SH3RF2: variants seen among roughly 807,000 people sequenced by gnomAD.
SH3RF2 encodes the protein SH3 domain containing ring finger 2.
In SH3RF2, 43 loss-of-function variants were observed where a neutral mutation model predicts 59.0. That is an observed-to-expected ratio of 0.73 (90% CI 0.57 to 0.94). The LOEUF (loss-of-function observed/expected upper bound fraction) is 0.94. Among genes scored for constraint, SH3RF2 ranks in the 40% least tolerant of loss-of-function variants. SH3RF2 has a pLI of 0.00. For synonymous variants in SH3RF2, 391 were observed against 391.5 expected, an observed-to-expected ratio of 1.00 and a Z score of 0.01; for missense variants, 930 against 940.1, an observed-to-expected ratio of 0.99 and a Z score of 0.14.
intron 1 of SH3RF2, chr5:145,937,008 T>G (rs1222247824): frequency 6.6e-6 from 1 of 152,188 alleles, no homozygotes; most frequent in Non-Finnish European, 1.5e-5. Context: ...TACCTGTATA[T>G]GCTGCCCCAG....
chr5:146,054,061 T>C (rs1762587093), intron 7 of SH3RF2, among the ~76,000 whole-genome samples: 1 of 152,118 alleles, frequency 6.6e-6, no homozygotes, highest in Admixed American at 6.5e-5. Context: ...CTTTTCAGTC[T>C]CTCCATCTGG....
intron 9 of SH3RF2, 83 bp from the exon 10 acceptor site, chr5:146,062,343 G>A: frequency 6.6e-7 from 1 of 1,510,372 alleles, no homozygotes; most frequent in Admixed American, 1.9e-5. Context: ...ACACATAAAT[G>A]AGACATTTCA....
intron 2 of SH3RF2, among the ~76,000 whole-genome samples, chr5:145,999,020 A>G (rs1411435546): frequency 9.6e-6 from 1 of 103,646 alleles, no homozygotes; most frequent in African/African-American, 3.1e-5. Flanking sequence ...AAAATACTTT[A>G]TTACTAAAAA....
At chr5:145,997,845 A>C in intron 2 of SH3RF2, 1 of 1,299,202 alleles carries the variant, frequency 7.7e-7, no homozygotes, top group Non-Finnish European at 1.1e-6. Flanking sequence ...TGCAAAAACA[A>C]CTCACATCTT....
At chr5:145,974,867 G>A (rs755009333) in intron 2 of SH3RF2, among the ~76,000 whole-genome samples, 9 of 152,176 alleles carry the variant, frequency 5.9e-5, no homozygotes, top group Non-Finnish European at 1.3e-4. Context: ...TAAAAGAGAT[G>A]ACAATCAATA....
chr5:146,003,037 C>A (rs1407096833), intron 3 of SH3RF2, among the ~76,000 whole-genome samples: 1 of 152,132 alleles, frequency 6.6e-6, no homozygotes, highest in Admixed American at 6.6e-5. Context: ...TTAAATCAAT[C>A]CTAATTCCTG....
At chr5:146,056,348 C>A (rs1762671820) in intron 8 of SH3RF2, 135 bp downstream of exon 8, 1 of 1,363,040 alleles carries the variant, frequency 7.3e-7, no homozygotes. Context: ...TTATACAATT[C>A]CCAAATGATG....
In SH3RF2 at chr5:146,039,785, A is replaced by G. The variant is rs1762062776; in HGVS notation, c.1060-7987A>G. Among the ~76,000 whole-genome samples, 3 of 152,354 alleles carry G rather than the reference A, an allele frequency of 2.0e-5. 1 individual carries two copies. In the South Asian group the frequency reaches 6.2e-4, roughly 32 times the overall value. On this transcript the variant is annotated intron_variant, in intron 5 of 9. Coordinates refer to ENST00000359120, the MANE Select transcript of SH3RF2 (RefSeq NM_152550.4). ...TGGAGAAATTCTTGCCCATGTGCAC[A>G]GGGGACATGTACAAAAATGTTCATA...
At chr5:145,971,455 T>C (rs1467483470) in intron 2 of SH3RF2, among the ~76,000 whole-genome samples, 1 of 152,204 alleles carries the variant, frequency 6.6e-6, no homozygotes, top group Non-Finnish European at 1.5e-5. Flanking sequence ...CTGTACGGTG[T>C]CAGGATTATT....
intron 5 of SH3RF2, among the ~76,000 whole-genome samples, chr5:146,024,848 A>G (rs1300493896): frequency 1.3e-5 from 2 of 152,240 alleles, no homozygotes; most frequent in South Asian, 2.1e-4. Flanking sequence ...CATGTTAAAA[A>G]TTAAGTACTT....
intron 5 of SH3RF2, among the ~76,000 whole-genome samples, chr5:146,026,625 CAA>C (rs1452943514): frequency 1.3e-5 from 2 of 152,146 alleles, no homozygotes; most frequent in African/African-American, 2.4e-5. Context: ...CTGTCTGGTG[CAA>C]AGTTTTGTCA....
At position 146,047,806 on chromosome 5, in the gene SH3RF2, GACATTCC is replaced by G; in HGVS notation, c.1098_1104del (p.His366GlnfsTer19). 6.2e-7 allele frequency: 1 copy of G among 1,614,082 alleles called. No individual in the cohort carries two copies. The highest frequency in any genetic ancestry group is 8.5e-7 in the Non-Finnish European group (1 of 1,180,036). ...TATCACCCCGCACCTGTCTCTCCAGGACATTCCACAGCCGTGGTCAGTCTGCCTGGCT... is the reference window on the plus strand; with the variant it reads ...TATCACCCCGCACCTGTCTCTCCAGGACAGCCGTGGTCAGTCTGCCTGGCT... On this transcript the variant is annotated frameshift_variant, in exon 6 of 10. Coordinates refer to ENST00000359120, the MANE Select transcript of SH3RF2 (RefSeq NM_152550.4). LOFTEE classifies it high-confidence loss of function.
In SH3RF2 at chr5:146,033,451, C is replaced by CTTT. The variant is rs558717056; in HGVS notation, c.1060-14287_1060-14285dup. 5.7e-4 allele frequency among the ~76,000 whole-genome samples: 41 copies of CTTT among 71,866 alleles called. 7 individuals carry two copies. Among genetic ancestry groups the CTTT allele is most frequent in the East Asian group, 2.1e-3 (5 of 2,432 alleles). The allele number at this position is 71,866 out of a possible 152,430, so 47.1% of individuals were successfully genotyped here. A position where few individuals can be genotyped will look rare whatever the true frequency, so the allele number is the denominator to read the frequency against. On this transcript the variant is annotated intron_variant, in intron 5 of 9. Coordinates refer to ENST00000359120, the MANE Select transcript of SH3RF2 (RefSeq NM_152550.4). ...AAAATCTATGAGCACTAGCCCTTAG[C>CTTT]TTTTTTTTTTTTTTTTTTTTTTTTT...
At chr5:146,023,365 C>T (rs1761404532) in intron 5 of SH3RF2, among the ~76,000 whole-genome samples, 1 of 152,132 alleles carries the variant, frequency 6.6e-6, no homozygotes, top group African/African-American at 2.4e-5. Flanking sequence ...TGCACCACCA[C>T]ACCTGCCTAA....
At chr5:146,064,794 AGG>A (rs1763046261), downstream of SH3RF2, among the ~76,000 whole-genome samples, 15 of 36,712 alleles carry the variant, frequency 4.1e-4, 1 homozygote, top group African/African-American at 1.3e-3. Context: ...GAAGGAAGGA[AGG>A]AAGGAAGGAA....
At chr5:145,976,775 G>T (rs901833035) in intron 2 of SH3RF2, among the ~76,000 whole-genome samples, 7 of 152,206 alleles carry the variant, frequency 4.6e-5, no homozygotes, top group African/African-American at 1.7e-4. Flanking sequence ...TCGATTAATA[G>T]CTGGGCTTAC....
At chr5:146,074,798 G>C (rs867359166) in intron 9 of SH3RF2, among the ~76,000 whole-genome samples, 383 of 142,984 alleles carry the variant, frequency 2.7e-3, no homozygotes, top group Non-Finnish European at 4.4e-3. Flanking sequence ...CTCTCTCTCT[G>C]TTTCTGTCTC....
chr5:145,972,960 C>T (rs1759145674), intron 2 of SH3RF2, among the ~76,000 whole-genome samples: 2 of 152,110 alleles, frequency 1.3e-5, no homozygotes, highest in Admixed American at 6.6e-5. Flanking sequence ...AGGTATGAAC[C>T]TTGCCTTTAA....
intron 9 of SH3RF2, among the ~76,000 whole-genome samples, chr5:146,068,676 T>G (rs1322697201): frequency 6.6e-6 from 1 of 152,160 alleles, no homozygotes; most frequent in Non-Finnish European, 1.5e-5. Context: ...CAGACTGTTT[T>G]CCAGGCCTAG....
Sources: gnomAD v4.1 joint callset for allele counts (sites outside exome capture counted in the v4.1 genomes callset) on GRCh38, gnomAD v4.1.1 for gene constraint, MANE v1.5 for transcripts, NCBI Gene and HGNC (gene_info 2026-07-23, HGNC 2026-07-21) for gene names.